MAGI2: variants seen among roughly 807,000 people sequenced by gnomAD.
MAGI2 encodes membrane-associated guanylate kinase, WW and PDZ domain-containing protein 2.
In MAGI2, 35 loss-of-function variants were observed where a neutral mutation model predicts 133.3. The ratio of observed to expected loss-of-function variants is 0.26; its 90% CI spans 0.20 to 0.35. The LOEUF (loss-of-function observed/expected upper bound fraction) is 0.35, where lower values mean the gene tolerates loss of function less well. MAGI2 is among the 10% of genes least tolerant of loss of function. MAGI2 has a pLI of 1.00. For synonymous variants in MAGI2, 729 were observed against 710.6 expected (o/e 1.03, Z -0.41); for missense variants, 1,636 against 1,863.4 (o/e 0.88, Z 2.25).
At chr7:78,609,631 A>G (rs1000695237) in intron 3 of MAGI2, among the ~76,000 whole-genome samples, 1 of 152,136 alleles carries the variant, frequency 6.6e-6, no homozygotes, top group African/African-American at 2.4e-5. Context: ...ATTGATGACT[A>G]CCTTCTTCTA....
At chr7:78,337,589 T>C (rs554142392) in intron 9 of MAGI2, among the ~76,000 whole-genome samples, 2 of 152,360 alleles carry the variant, frequency 1.3e-5, no homozygotes, top group East Asian at 1.9e-4. Flanking sequence ...TTGATTTCAA[T>C]GTCAAATGAG....
At chr7:79,145,698 C>G (rs1477046497) in intron 1 of MAGI2, among the ~76,000 whole-genome samples, 2 of 152,212 alleles carry the variant, frequency 1.3e-5, no homozygotes, top group African/African-American at 4.8e-5. Flanking sequence ...ATCTCTGCCA[C>G]TCCAGAACTG....
At chr7:79,366,851 C>G (rs1174374451) in intron 1 of MAGI2, among the ~76,000 whole-genome samples, 1 of 152,050 alleles carries the variant, frequency 6.6e-6, no homozygotes, top group African/African-American at 2.4e-5. Flanking sequence ...TTGGGTAAAA[C>G]ACATACAAGC....
chr7:78,552,625 T>A (rs781138824), intron 3 of MAGI2, among the ~76,000 whole-genome samples: 2 of 152,144 alleles, frequency 1.3e-5, no homozygotes, highest in Non-Finnish European at 2.9e-5. Flanking sequence ...AAAAATGGTG[T>A]CTGTAGATGC....
At chr7:78,729,232 T>C (rs1821132414) in intron 2 of MAGI2, among the ~76,000 whole-genome samples, 1 of 152,140 alleles carries the variant, frequency 6.6e-6, no homozygotes, top group South Asian at 2.1e-4. Flanking sequence ...AGAAAAAAAG[T>C]GAGGATTACT....
chr7:78,531,215 G>GTT lies in MAGI2; in HGVS notation c.539-9572_539-9571dup, dbSNP rs373643954. 6.3e-3 allele frequency among the ~76,000 whole-genome samples: 859 copies of GTT among 135,658 alleles called. 15 individuals carry two copies. Among genetic ancestry groups the GTT allele is most frequent in the African/African-American group, 0.02 (715 of 35,790 alleles). 89.0% of individuals were successfully genotyped at this position (135,658 alleles called of 152,430 possible). ...TGTTATTAATGTAATTATTAATTAA[G>GTT]TTTTTTTTTTTTTTTTTGAGACAGA... On this transcript the variant is annotated intron_variant, in intron 3 of 21. Transcript: ENST00000354212.
intron 3 of MAGI2, among the ~76,000 whole-genome samples, chr7:78,601,388 T>C (rs1213033957): frequency 6.6e-6 from 1 of 152,196 alleles, no homozygotes; most frequent in Non-Finnish European, 1.5e-5. Flanking sequence ...ATGTGACTTA[T>C]TTGGTAATCA....
intron 9 of MAGI2, among the ~76,000 whole-genome samples, chr7:78,273,322 C>A (rs1293543347): frequency 2.0e-5 from 3 of 152,174 alleles, no homozygotes; most frequent in Non-Finnish European, 4.4e-5. Flanking sequence ...GTCTGATGGG[C>A]TTCCTTTTGT....
chr7:78,822,180 T>C (rs946950510), intron 2 of MAGI2, among the ~76,000 whole-genome samples: 1 of 152,078 alleles, frequency 6.6e-6, no homozygotes, highest in African/African-American at 2.4e-5. Context: ...GACTGAGTTA[T>C]AATCAGAACA....
chr7:78,626,416 A>AG (rs751120748), intron 3 of MAGI2, among the ~76,000 whole-genome samples: 51 of 152,168 alleles, frequency 3.4e-4, no homozygotes, highest in Admixed American at 1.3e-4. Context: ...GAGACAACTA[A>AG]GGTTTAGTGA....
chr7:78,318,914 G>A (rs1382761543), intron 9 of MAGI2, among the ~76,000 whole-genome samples: 2 of 152,090 alleles, frequency 1.3e-5, no homozygotes, highest in Non-Finnish European at 2.9e-5. Flanking sequence ...ACAAGCAAAT[G>A]GTGACAGATT....
At chr7:78,683,985 C>T (rs1369083878) in intron 2 of MAGI2, among the ~76,000 whole-genome samples, 1 of 152,148 alleles carries the variant, frequency 6.6e-6, no homozygotes, top group Non-Finnish European at 1.5e-5. Flanking sequence ...CGGGGCTTCT[C>T]CCAGTGATAC....
chr7:78,333,360 A>G (rs1789427166), intron 9 of MAGI2, among the ~76,000 whole-genome samples: 1 of 152,212 alleles, frequency 6.6e-6, no homozygotes, highest in Non-Finnish European at 1.5e-5. Flanking sequence ...GAACTCTGAA[A>G]CAAAGCAGCC....
chr7:78,399,860 C>T (rs1002524485), intron 6 of MAGI2, among the ~76,000 whole-genome samples: 1 of 143,442 alleles, frequency 7.0e-6, no homozygotes, highest in Non-Finnish European at 1.5e-5. Context: ...AAAACACAAG[C>T]GCATGAACAC....
At chr7:79,274,151 T>C (rs1157887198) in intron 1 of MAGI2, among the ~76,000 whole-genome samples, 2 of 152,132 alleles carry the variant, frequency 1.3e-5, no homozygotes, top group East Asian at 3.9e-4. Context: ...GTATGTCCCA[T>C]GAAATATTTA....
intron 3 of MAGI2, among the ~76,000 whole-genome samples, chr7:78,572,497 C>T (rs1304871291): frequency 6.6e-6 from 1 of 151,952 alleles, no homozygotes; most frequent in Non-Finnish European, 1.5e-5. Context: ...CAGAACTTTC[C>T]CTCCCTGACT....
chr7:78,627,391 C>T, intron 2 of MAGI2, 152 bp from the exon 3 acceptor site: 2 of 581,322 alleles, frequency 3.4e-6, no homozygotes, highest in Middle Eastern at 5.0e-4. Flanking sequence ...TGTTTGGCAA[C>T]AGAAAACAGC....
chr7:78,426,690 T>C (rs559353290), intron 6 of MAGI2, among the ~76,000 whole-genome samples: 157 of 152,228 alleles, frequency 1.0e-3, no homozygotes, highest in African/African-American at 3.7e-3. Context: ...CTACCACATA[T>C]GTAATTGAAA....
chr7:79,006,202 C>T (rs1037118633), intron 2 of MAGI2, among the ~76,000 whole-genome samples: 2 of 151,992 alleles, frequency 1.3e-5, no homozygotes, highest in Non-Finnish European at 2.9e-5. Flanking sequence ...TTATTTGTTT[C>T]ACTTATACCA....
Sources: gnomAD v4.1 joint callset for allele counts (sites outside exome capture counted in the v4.1 genomes callset) on GRCh38, gnomAD v4.1.1 for gene constraint, MANE v1.5 for transcripts, NCBI Gene and HGNC (gene_info 2026-07-23, HGNC 2026-07-21) for gene names.